ZBTB16: variants seen among roughly 807,000 people sequenced by gnomAD.
ZBTB16 encodes the protein zinc finger and BTB domain-containing protein 16.
In ZBTB16, 8 loss-of-function variants were observed where a neutral mutation model predicts 56.8. That is an observed-to-expected ratio of 0.14 (90% CI 0.08 to 0.25). The LOEUF (loss-of-function observed/expected upper bound fraction) is 0.25. ZBTB16 is among the 10% of genes least tolerant of loss of function. The pLI is 1.00. For synonymous variants in ZBTB16, 363 were observed against 368.5 expected (o/e 0.98, Z 0.17); for missense variants, 625 against 903.0 (o/e 0.69, Z 3.95).
intron 1 of ZBTB16, among the ~76,000 whole-genome samples, chr11:114,062,344 C>G (rs1591629619): frequency 6.6e-6 from 1 of 152,050 alleles, no homozygotes; most frequent in South Asian, 2.1e-4. Flanking sequence ...CTCAGGTGAT[C>G]CGCCTGCCTG....
Position 114,156,391 on chromosome 11 carries a change from C to T in ZBTB16, c.1323C>T (p.Phe441=), listed in dbSNP as rs775652022. The T allele has an allele frequency of 4.3e-6, 7 of 1,614,214 alleles. No individual in the cohort carries two copies. The highest frequency in any genetic ancestry group is 5.9e-6 in the Non-Finnish European group (7 of 1,180,032). The change falls in exon 3 of 7, where the codon TTC becomes TTT. Residue 441 remains phenylalanine (F), a synonymous_variant. Coordinates refer to ENST00000335953, the MANE Select transcript of ZBTB16 (RefSeq NM_006006.6). ...TYGCELCGKR[F]LDSLRLRMHL... ...GGTGCGAGCTCTGCGGGAAGCGGTT[C>T]CTGGATAGTTTGCGGCTGAGAATGC...
At position 114,250,604 on chromosome 11, in the gene ZBTB16, T is replaced by C. The variant is rs374340897; in HGVS notation, c.*49T>C. ...CGAGCGGGGAGCCAGGAAAGAAGAG[T>C]TGGAGTGAGATGAAGGAAGGACTAT... On this transcript the variant is annotated 3_prime_UTR_variant, in exon 7 of 7. Coordinates refer to ENST00000335953, the MANE Select transcript of ZBTB16 (RefSeq NM_006006.6). This position sits in a 1 kb window ranked among gnomAD's most constrained non-coding sequence, Gnocchi z 6.0. 215 of 1,584,588 alleles carry C rather than the reference T, an allele frequency of 1.4e-4. No homozygotes were observed. The highest frequency in any genetic ancestry group is 1.1e-3 in the South Asian group (102 of 90,286).
chr11:114,210,459 C>T (rs150005721), intron 4 of ZBTB16, among the ~76,000 whole-genome samples: 39 of 152,274 alleles, frequency 2.6e-4, no homozygotes, highest in Admixed American at 7.8e-4. Flanking sequence ...GTTCAGTGGG[C>T]GGGATCAGTA....
In ZBTB16 at chr11:114,244,312, C is replaced by T. The variant is rs369361446; in HGVS notation, c.1624+1975C>T. Among the ~76,000 whole-genome samples the T allele has an allele frequency of 6.0e-5, 9 of 148,786 alleles. No individual in the cohort carries two copies. The South Asian group carries it at 8.5e-4, about 14-fold the overall frequency. The stretch of plus-strand genomic sequence containing the variant: ...CAGGATGGGGCTGGGGTGGGGAGGA[C>T]GACAGACACTGGGCTTGGCCAGTGC... On this transcript the variant is annotated intron_variant, in intron 5 of 6. Transcript: ENST00000335953.
Position 114,197,896 on chromosome 11 carries a change from G to A in ZBTB16, c.1453+10858G>A, listed in dbSNP as rs561156356. Among the ~76,000 whole-genome samples, 7 of 152,142 alleles carry A rather than the reference G, an allele frequency of 4.6e-5. 1 individual carries two copies. The highest frequency in any genetic ancestry group is 1.2e-4 in the African/African-American group (5 of 41,506). ...ACAGTGCTGGGCACCAAGGAGTCCT[G>A]TAATGATAGGAAAACTGGCAACTGT... On this transcript the variant is annotated intron_variant, in intron 4 of 6. Coordinates refer to ENST00000335953, the MANE Select transcript of ZBTB16 (RefSeq NM_006006.6).
At chr11:114,095,225 A>AATTTC in intron 2 of ZBTB16, among the ~76,000 whole-genome samples, 1 of 103,696 alleles carries the variant, frequency 9.6e-6, no homozygotes, top group African/African-American at 4.4e-5. Context: ...TTATGTAACC[A>AATTTC]ATTTCTTTTC....
At chr11:114,175,460 C>CT (rs745429390) in intron 3 of ZBTB16, among the ~76,000 whole-genome samples, 134 of 146,332 alleles carry the variant, frequency 9.2e-4, no homozygotes, top group Middle Eastern at 3.6e-3. Context: ...CATGTGCAAA[C>CT]TTTTTTTTTT....
rs1452144858 is a variant in ZBTB16, at chr11:114,209,878, ATTTC to A, written c.1453+22843_1453+22846del. On this transcript the variant is annotated intron_variant, in intron 4 of 6. Coordinates refer to ENST00000335953, the MANE Select transcript of ZBTB16 (RefSeq NM_006006.6). The stretch of plus-strand genomic sequence containing the variant: ...CTCATGTTTGTTGAGGGGACCCCAT[ATTTC>A]TTCATGAAGGATATCTGTATGTCTG... The A allele has an allele frequency of 3.0e-6, 3 of 985,174 alleles. No homozygotes were observed. In the East Asian group the frequency reaches 3.4e-4, roughly 112 times the overall value. The allele number at this position is 985,174 out of a possible 1,614,324, so 61.0% of individuals were successfully genotyped here.
intron 4 of ZBTB16, among the ~76,000 whole-genome samples, chr11:114,235,527 C>T (rs1462580272): frequency 6.6e-6 from 1 of 152,230 alleles, no homozygotes; most frequent in Non-Finnish European, 1.5e-5. Flanking sequence ...CCCGTCATCA[C>T]CTGGGTGAAA....
At chr11:114,091,492 G>A (rs1423474685) in intron 2 of ZBTB16, among the ~76,000 whole-genome samples, 3 of 151,548 alleles carry the variant, frequency 2.0e-5, no homozygotes, top group East Asian at 1.9e-4. Flanking sequence ...GTAGACGTCC[G>A]AGCAGCCCCT....
rs530532 is a variant in ZBTB16 at position 114,250,052 on chromosome 11, A to G, written c.1793-274A>G. Among the ~76,000 whole-genome samples the G allele has an allele frequency of 0.37, 56,220 of 152,064 alleles. 10,888 individuals carry two copies. The highest frequency in any genetic ancestry group is 0.5 in the East Asian group (2,587 of 5,168). On this transcript the variant is annotated intron_variant, in intron 6 of 6. Coordinates refer to ENST00000335953, the MANE Select transcript of ZBTB16 (RefSeq NM_006006.6). The surrounding 1 kb of genome is among the most constrained non-coding windows in gnomAD (Gnocchi z 6.0). ...GAATAGTAAGACAAGGAGCTGGGCAATCCAGTAGTCAACTAGCTACATGTA... is the reference window on the plus strand; with the variant it reads ...GAATAGTAAGACAAGGAGCTGGGCAGTCCAGTAGTCAACTAGCTACATGTA...
intron 2 of ZBTB16, among the ~76,000 whole-genome samples, chr11:114,131,678 T>C (rs1941664088): frequency 6.6e-6 from 1 of 152,216 alleles, no homozygotes; most frequent in Non-Finnish European, 1.5e-5. Flanking sequence ...CCCCCCTTTT[T>C]TTCATTGCAG....
chr11:114,216,889 A>G (rs2135142279), intron 4 of ZBTB16, among the ~76,000 whole-genome samples: 1 of 152,316 alleles, frequency 6.6e-6, no homozygotes, highest in African/African-American at 2.4e-5. Context: ...AGAGGAAGAC[A>G]GACACATAAA....
intron 4 of ZBTB16, chr11:114,188,506 G>A (rs979866079): frequency 6.6e-6 from 1 of 152,228 alleles, no homozygotes; most frequent in African/African-American, 2.4e-5. Context: ...TAGCATTAGG[G>A]TTGTTGTGGG....
At chr11:114,154,203 A>G (rs528014630) in intron 2 of ZBTB16, among the ~76,000 whole-genome samples, 1 of 152,332 alleles carries the variant, frequency 6.6e-6, no homozygotes, top group East Asian at 1.9e-4. Flanking sequence ...AAATCTGAAG[A>G]CCGGTCACTC....
intron 3 of ZBTB16, among the ~76,000 whole-genome samples, chr11:114,167,545 A>T (rs570916735): frequency 4.9e-4 from 74 of 151,614 alleles, no homozygotes; most frequent in African/African-American, 1.8e-3. Context: ...GAAATTACTG[A>T]ATTAATTAGG....
intron 3 of ZBTB16, among the ~76,000 whole-genome samples, chr11:114,157,672 G>T (rs756853444): frequency 6.6e-6 from 1 of 152,194 alleles, no homozygotes; most frequent in Non-Finnish European, 1.5e-5. Flanking sequence ...CTGCCTTGCT[G>T]CAGGGCCCAT....
chr11:114,109,472 G>A (rs541653205), intron 2 of ZBTB16, among the ~76,000 whole-genome samples: 1 of 152,328 alleles, frequency 6.6e-6, no homozygotes, highest in South Asian at 2.1e-4. Flanking sequence ...CTGGAGGTTG[G>A]TGGAGTTCTC....
chr11:114,061,355 G>A (rs1461851591), intron 1 of ZBTB16: 1 of 152,170 alleles, frequency 6.6e-6, no homozygotes, highest in African/African-American at 2.4e-5. Context: ...CCATTCTTTT[G>A]GCTGTTCCCT....
Sources: gnomAD v4.1 joint callset for allele counts (sites outside exome capture counted in the v4.1 genomes callset) on GRCh38, gnomAD v4.1.1 for gene constraint, Gnocchi (gnomAD v3.1) non-coding constraint, MANE v1.5 for transcripts, NCBI Gene and HGNC (gene_info 2026-07-23, HGNC 2026-07-21) for gene names.